Variants in ESYT3 observed in about 807,000 individuals in gnomAD.
ESYT3 encodes extended synaptotagmin 3, also known as extended synaptotagmin-3.
A neutral mutation model predicts 111.5 loss-of-function variants in ESYT3; 101 were observed. The observed-to-expected ratio is 0.91, with a 90% CI of 0.77 to 1.07. The LOEUF (loss-of-function observed/expected upper bound fraction) is 1.07, where lower values mean the gene tolerates loss of function less well. ESYT3 is among the 50% of genes least tolerant of loss of function. ESYT3 has a pLI of 0.00. For synonymous variants in ESYT3, 416 were observed against 446.8 expected (o/e 0.93, Z 0.87); for missense variants, 1,097 against 1,109.4 (o/e 0.99, Z 0.16).
chr3:138,443,144 G>A (rs1254665919), intron 1 of ESYT3, among the ~76,000 whole-genome samples: 1 of 152,124 alleles, frequency 6.6e-6, no homozygotes, highest in Non-Finnish European at 1.5e-5. Flanking sequence ...TGTGACTAGT[G>A]GAATTTCATC....
At chr3:138,474,186 T>TC in intron 19 of ESYT3, 35 bp from the exon 20 acceptor site, 1 of 1,581,374 alleles carries the variant, frequency 6.3e-7, no homozygotes, top group African/African-American at 1.4e-5. Context: ...CAGGGCCCTT[T>TC]TTTTTTTTTC....
intron 18 of ESYT3, 43 bp from the exon 19 acceptor site, chr3:138,473,493 A>G (rs779976308): frequency 6.4e-6 from 10 of 1,568,946 alleles, no homozygotes; most frequent in Admixed American, 1.7e-5. Context: ...AAGAGGGCCA[A>G]TGCTTGTTAT....
chr3:138,470,566 A>C (rs2033166766), intron 16 of ESYT3: 1 of 1,163,202 alleles, frequency 8.6e-7, no homozygotes, highest in Admixed American at 4.1e-5. Flanking sequence ...TGGAGCTGGG[A>C]TCTTTTAGGG....
intron 14 of ESYT3, 137 bp from the exon 15 acceptor site, chr3:138,469,299 T>G: frequency 4.1e-6 from 3 of 724,646 alleles, no homozygotes; most frequent in East Asian, 2.6e-5. Context: ...GACTGGGGCA[T>G]TAGAGTAGCT....
At position 138,452,098 on chromosome 3, in the gene ESYT3, G is replaced by T; in HGVS notation, c.369+9G>T. 1 of 1,607,520 alleles carries T rather than the reference G, an allele frequency of 6.2e-7. No individual in the cohort carries two copies. The highest frequency in any genetic ancestry group is 8.5e-7 in the Non-Finnish European group (1 of 1,179,586). On this transcript the variant is annotated intron_variant, in intron 2 of 22. Transcript: ENST00000389567. ...TCGAGTGGGCCAACAAGGTAAGGCC[G>T]CTGGCAGGGCCTAGCAGGGCCGGAC... is the stretch of plus-strand genomic sequence containing the variant.
chr3:138,480,826 C>G (rs2033675350), downstream of ESYT3: 1 of 152,128 alleles, frequency 6.6e-6, no homozygotes, highest in African/African-American at 2.4e-5. Flanking sequence ...AGAAAGCCGC[C>G]TACTCAACGC....
intron 2 of ESYT3, among the ~76,000 whole-genome samples, chr3:138,453,596 C>T (rs187646794): frequency 1.4e-3 from 217 of 152,268 alleles, no homozygotes; most frequent in African/African-American, 5.0e-3. Context: ...CATATTTAAA[C>T]TGAAGCCCAA....
Position 138,455,321 on chromosome 3 carries a change from G to T in ESYT3, c.497G>T (p.Gly166Val). The change falls in exon 3 of 23, where the codon GGA (glycine) becomes GTA (valine). Residue 166 changes from glycine to valine, a missense_variant. Coordinates refer to ENST00000389567, the MANE Select transcript of ESYT3 (RefSeq NM_031913.5). Reference protein sequence around the residue: ...RTFTFTKLYFGQKCPRVNGVK... With the variant: ...RTFTFTKLYFVQKCPRVNGVK... Reference sequence around the variant, plus strand: ...TTTACCTTTACCAAGCTCTACTTTGGACAGAAGGTGGGTGTGTCTCGGGAG... The same window carrying T: ...TTTACCTTTACCAAGCTCTACTTTGTACAGAAGGTGGGTGTGTCTCGGGAG... 1.2e-6 allele frequency: 2 copies of T among 1,614,094 alleles called. No homozygotes were observed. Among genetic ancestry groups the T allele is most frequent in the East Asian group, 4.5e-5 (2 of 44,888 alleles).
intron 10 of ESYT3, among the ~76,000 whole-genome samples, chr3:138,466,921 G>A (rs1422513249): frequency 2.0e-5 from 3 of 152,098 alleles, no homozygotes; most frequent in Non-Finnish European, 4.4e-5. Flanking sequence ...ACCAGATCTT[G>A]CATGAGCTCA....
At chr3:138,452,269 T>G (rs1304104753) in intron 2 of ESYT3, among the ~76,000 whole-genome samples, 180 bp downstream of exon 2, 3 of 152,220 alleles carry the variant, frequency 2.0e-5, no homozygotes, top group Non-Finnish European at 4.4e-5. Flanking sequence ...AACAACAAAT[T>G]GAAATTAATA....
chr3:138,470,413 C>T (rs930957328), intron 16 of ESYT3: 2 of 1,178,844 alleles, frequency 1.7e-6, no homozygotes, highest in South Asian at 5.3e-5. Flanking sequence ...ACACAGTACC[C>T]AGAGCAGCCT....
chr3:138,439,697 G>A (rs1387929973), intron 1 of ESYT3, among the ~76,000 whole-genome samples: 1 of 152,196 alleles, frequency 6.6e-6, no homozygotes, highest in African/African-American at 2.4e-5. Context: ...TGCCATGACT[G>A]GGCCCCTGTG....
At chr3:138,451,960 G>A (rs1178383561) in intron 1 of ESYT3, 88 bp from the exon 2 acceptor site, 6 of 1,464,402 alleles carry the variant, frequency 4.1e-6, no homozygotes, top group Admixed American at 3.4e-5. Flanking sequence ...GCGCGTGGGC[G>A]GAATGGGAAG....
intron 6 of ESYT3, 37 bp from the exon 7 acceptor site, chr3:138,460,574 C>A: frequency 1.2e-6 from 2 of 1,612,378 alleles, no homozygotes; most frequent in Non-Finnish European, 1.7e-6. Context: ...GGGCTCCCAA[C>A]CCTTTCCAGC....
chr3:138,434,649 C>G lies in ESYT3; in HGVS notation c.-150C>G. 2 of 710,000 alleles carry G rather than the reference C, an allele frequency of 2.8e-6. No homozygotes were observed. Among genetic ancestry groups the G allele is most frequent in the South Asian group, 4.3e-5 (2 of 46,874 alleles). 44.0% of individuals were successfully genotyped at this position (710,000 alleles called of 1,614,324 possible). A position where few individuals can be genotyped will look rare whatever the true frequency, so the allele number is the denominator to read the frequency against. The stretch of plus-strand genomic sequence containing the variant: ...AGGCGCTGCTCTCCGTCGCAGAGAA[C>G]CCTGAGCTCGGCGCGCCGAGAGTCC... On this transcript the variant is annotated 5_prime_UTR_variant, in exon 1 of 23. Coordinates refer to ENST00000389567, the MANE Select transcript of ESYT3 (RefSeq NM_031913.5).
downstream of ESYT3, chr3:138,480,803 A>G (rs1055871803): frequency 2.6e-5 from 4 of 152,206 alleles, no homozygotes; most frequent in African/African-American, 9.7e-5. Context: ...ATGTACATGG[A>G]ACTACAAAAG....
chr3:138,450,772 C>G (rs74466224), intron 1 of ESYT3, among the ~76,000 whole-genome samples: 1,945 of 152,366 alleles, frequency 0.013, 20 homozygotes, highest in Non-Finnish European at 0.02. Context: ...AACCCCAAAG[C>G]TGGCTCAGGA....
intron 1 of ESYT3, among the ~76,000 whole-genome samples, chr3:138,448,679 TG>T (rs1437857553): frequency 6.6e-6 from 1 of 152,148 alleles, no homozygotes. Context: ...CCAATTATAA[TG>T]GAAAAATAGA....
At chr3:138,467,757 C>A in intron 11 of ESYT3, 148 bp downstream of exon 11, 1 of 734,434 alleles carries the variant, frequency 1.4e-6, no homozygotes, top group Non-Finnish European at 2.3e-6. Context: ...CTGGGTGAGG[C>A]ACAGATGGCT....
Sources: gnomAD v4.1 joint callset for allele counts (sites outside exome capture counted in the v4.1 genomes callset) on GRCh38, gnomAD v4.1.1 for gene constraint, MANE v1.5 for transcripts, NCBI Gene and HGNC (gene_info 2026-07-23, HGNC 2026-07-21) for gene names.